Variants in RAD17 observed in about 807,000 individuals in gnomAD.
RAD17 encodes the protein RAD17 checkpoint clamp loader component, also known as cell cycle checkpoint protein RAD17.
RAD17 carries 31 observed loss-of-function variants against 81.5 expected under a neutral mutation model. The observed-to-expected ratio is 0.38, with a 90% CI of 0.29 to 0.51. RAD17 has a LOEUF of 0.51. Ranked by LOEUF, RAD17 falls within the 20% of genes least tolerant of loss-of-function variation. The pLI, the probability that RAD17 is intolerant of heterozygous loss-of-function variation, is 0.88. For missense variants in RAD17, 681 were observed against 781.2 expected, an observed-to-expected ratio of 0.87 and a Z score of 1.53; for synonymous variants, 261 against 266.2, an observed-to-expected ratio of 0.98 and a Z score of 0.19.
intron 6 of RAD17, among the ~76,000 whole-genome samples, chr5:69,380,771 C>CT (rs57357599): frequency 1.5e-3 from 210 of 141,606 alleles, no homozygotes; most frequent in Admixed American, 3.9e-3. Flanking sequence ...CTTTTTTTTC[C>CT]TTTTTTTTTT....
At chr5:69,398,412 A>G (rs1452912514) in intron 16 of RAD17, among the ~76,000 whole-genome samples, 1 of 152,212 alleles carries the variant, frequency 6.6e-6, no homozygotes, top group Non-Finnish European at 1.5e-5. Flanking sequence ...TGAATTATTT[A>G]GAGGTAAAAA....
intron 16 of RAD17, among the ~76,000 whole-genome samples, chr5:69,399,793 A>G (rs933675963): frequency 1.3e-5 from 2 of 152,194 alleles, no homozygotes; most frequent in Non-Finnish European, 2.9e-5. Context: ...TGGTTTTCTT[A>G]TACATTCAAT....
chr5:69,376,787 T>C (rs1348176369), intron 6 of RAD17, among the ~76,000 whole-genome samples: 1 of 151,734 alleles, frequency 6.6e-6, no homozygotes, highest in East Asian at 1.9e-4. Flanking sequence ...AGAGTCTTGC[T>C]TTGTCACACA....
At chr5:69,394,800 C>T (rs1231241352) in intron 15 of RAD17, among the ~76,000 whole-genome samples, 1 of 152,188 alleles carries the variant, frequency 6.6e-6, no homozygotes, top group Non-Finnish European at 1.5e-5. Flanking sequence ...GTGGGTCACA[C>T]CTGTAAACCC....
rs953679251 is a variant in RAD17 at position 69,412,371 on chromosome 5, T to C, written c.1752-1660T>C. The stretch of plus-strand genomic sequence containing the variant: ...TTTAGTATTTAGTATTAAATATTAA[T>C]ACTTAATATTTAATAGGTGTTTAAT... On this transcript the variant is annotated intron_variant, in intron 18 of 18. Transcript: ENST00000354868. Among the ~76,000 whole-genome samples, 5 of 152,238 alleles carry C rather than the reference T, an allele frequency of 3.3e-5. No homozygotes were observed. The East Asian group carries it at 9.6e-4, about 29-fold the overall frequency.
chr5:69,408,754 A>G (rs552411435), intron 17 of RAD17, among the ~76,000 whole-genome samples: 109 of 151,898 alleles, frequency 7.2e-4, no homozygotes, highest in African/African-American at 2.2e-3. Context: ...CAAGTGATCC[A>G]CCCACCTTGG....
chr5:69,397,605 A>G (rs1228767574), intron 16 of RAD17, among the ~76,000 whole-genome samples: 1 of 152,224 alleles, frequency 6.6e-6, no homozygotes, highest in Non-Finnish European at 1.5e-5. Flanking sequence ...ATCTACAAGA[A>G]AAAGAAAAAA....
chr5:69,388,897 C>T (rs183843764), intron 11 of RAD17, 137 bp from the exon 12 acceptor site: 45 of 478,062 alleles, frequency 9.4e-5, no homozygotes, highest in East Asian at 3.2e-4. Flanking sequence ...AATGTGCCAC[C>T]GTGCCCAGCC....
At chr5:69,390,398 G>A (rs17230033) in intron 12 of RAD17, among the ~76,000 whole-genome samples, 3,255 of 152,228 alleles carry the variant, frequency 0.021, 44 homozygotes, top group Non-Finnish European at 0.029. Context: ...TGAAGCCAAG[G>A]TGGGTGGATC....
chr5:69,375,866 T>G (rs987401094), intron 6 of RAD17, among the ~76,000 whole-genome samples: 11 of 152,020 alleles, frequency 7.2e-5, no homozygotes, highest in African/African-American at 2.4e-4. Flanking sequence ...AATAGTTTAC[T>G]AACCCTTTCT....
chr5:69,410,771 T>C (rs1286267012), intron 18 of RAD17, among the ~76,000 whole-genome samples: 4 of 151,918 alleles, frequency 2.6e-5, no homozygotes, highest in African/African-American at 4.8e-5. Flanking sequence ...AAGCATGGAA[T>C]CACAAAGGCA....
chr5:69,376,333 ACTTT>A (rs1326396327), intron 6 of RAD17, among the ~76,000 whole-genome samples: 2 of 152,186 alleles, frequency 1.3e-5, no homozygotes, highest in African/African-American at 4.8e-5. Flanking sequence ...TACAGTAGTG[ACTTT>A]CTTATAGTTC....
At chr5:69,389,684 G>A (rs373892274) in intron 12 of RAD17, among the ~76,000 whole-genome samples, 1 of 152,124 alleles carries the variant, frequency 6.6e-6, no homozygotes, top group South Asian at 2.1e-4. Context: ...TCTGCCGCCC[G>A]GGCTGGAGTG....
At chr5:69,385,422 C>T (rs1049043647) in intron 8 of RAD17, among the ~76,000 whole-genome samples, 7 of 151,930 alleles carry the variant, frequency 4.6e-5, no homozygotes, top group Non-Finnish European at 1.0e-4. Context: ...AGGAACCTGC[C>T]ACCATGCCGG....
intron 6 of RAD17, among the ~76,000 whole-genome samples, chr5:69,375,611 T>C (rs1173179677): frequency 1.6e-5 from 2 of 121,510 alleles, no homozygotes; most frequent in African/African-American, 2.8e-5. Flanking sequence ...GTTAGACTTT[T>C]AGATACTTCA....
chr5:69,384,685 A>G, intron 7 of RAD17, 112 bp from the exon 8 acceptor site: 1 of 964,770 alleles, frequency 1.0e-6, no homozygotes, highest in Non-Finnish European at 1.5e-6. Context: ...TAATTGGGAA[A>G]TAGTCTACAG....
chr5:69,388,776 G>T (rs971677734), intron 11 of RAD17, among the ~76,000 whole-genome samples: 4 of 151,764 alleles, frequency 2.6e-5, no homozygotes, highest in African/African-American at 9.7e-5. Flanking sequence ...CCAGCTAATT[G>T]TTTTGATTTT....
chr5:69,396,653 A>G (rs891986834), intron 16 of RAD17, 107 bp downstream of exon 16: 4 of 1,193,886 alleles, frequency 3.4e-6, no homozygotes, highest in Non-Finnish European at 4.4e-6. Context: ...AGGAAAAAAT[A>G]TTTCATTTTT....
intron 7 of RAD17, among the ~76,000 whole-genome samples, chr5:69,383,829 A>G (rs1293784701): frequency 6.6e-6 from 1 of 152,158 alleles, no homozygotes; most frequent in Non-Finnish European, 1.5e-5. Flanking sequence ...ACTGCTTTCT[A>G]AATAGTAGCA....
Sources: allele counts gnomAD v4.1 joint callset (sites outside exome capture counted in the v4.1 genomes callset), GRCh38; gene constraint gnomAD v4.1.1; transcripts MANE v1.5; gene names NCBI Gene and HGNC (gene_info 2026-07-23, HGNC 2026-07-21).